Variants in EARS2 observed in about 807,000 individuals in gnomAD.
EARS2 encodes glutamyl-tRNA synthetase 2, mitochondrial, also known as nondiscriminating glutamyl-tRNA synthetase EARS2, mitochondrial.
In EARS2, 50 loss-of-function variants were observed where a neutral mutation model predicts 54.1. The observed-to-expected ratio is 0.92, with a 90% CI of 0.74 to 1.17. EARS2 has a LOEUF of 1.17. Among genes scored for constraint, EARS2 ranks in the 50% most tolerant of loss-of-function variants. The probability of loss-of-function intolerance (pLI) is 0.00; values close to 1 mark genes in which losing one functional copy is unlikely to be tolerated. For missense variants in EARS2, 673 were observed against 675.0 expected, an observed-to-expected ratio of 1.00 and a Z score of 0.03; for synonymous variants, 298 against 281.0, an observed-to-expected ratio of 1.06 and a Z score of -0.61.
intron 2 of EARS2, among the ~76,000 whole-genome samples, chr16:23,546,863 G>C (rs1377489438): frequency 2.0e-5 from 3 of 152,238 alleles, no homozygotes; most frequent in Non-Finnish European, 4.4e-5. Context: ...AGCCATCTGT[G>C]ATTATCAGTG....
Position 23,557,331 on chromosome 16 carries a change from G to C in EARS2, c.13C>G (p.Leu5Val), listed in dbSNP as rs1027344128. The change falls in exon 1 of 9, where the codon CTG becomes GTG. Residue 5 changes from leucine (L) to valine (V), a missense_variant. Physicochemically the swap from Leu to Val is conservative, Grantham distance 32. Around this residue, in one of 3 missense-constraint regions of EARS2, gnomAD observed 316 missense variants for 275.2 expected, o/e 1.15. Coordinates refer to ENST00000449606, the MANE Select transcript of EARS2 (RefSeq NM_001083614.2). ...CTCTCGCGCTGCAGCAGTCTCCTCA[G>C]GAGCGCCGCCATGTGGGATGGAATA... The part of the protein sequence containing the change: MAAL[L>V]RRLLQRERPS... 1.9e-6 allele frequency: 3 copies of C among 1,548,564 alleles called. No individual in the cohort carries two copies. Among genetic ancestry groups the C allele is most frequent in the Non-Finnish European group, 2.6e-6 (3 of 1,153,968 alleles).
At chr16:23,535,449 CA>C in intron 3 of EARS2, 89 bp from the exon 4 acceptor site, 1 of 1,261,072 alleles carries the variant, frequency 7.9e-7, no homozygotes, top group South Asian at 1.4e-5. Context: ...TGACCTTAAG[CA>C]AGTCAGTTAC....
rs751626904 is a variant in EARS2 at position 23,535,180 on chromosome 16, G to T, written c.666C>A (p.Ser222Arg). ...SVEGDPVIMK[S>R]DGFPTYHLAC... The stretch of plus-strand genomic sequence containing the variant: ...CCAGGTGGTATGTGGGGAAGCCGTC[G>T]CTCTTCATGATGACTGGGTCTCCCT... Residue 222 changes from serine to arginine, a missense_variant, in exon 4 of 9, where the codon AGC becomes AGA. By Grantham distance (110) the Ser-to-Arg change is moderately radical. Coordinates refer to ENST00000449606, the MANE Select transcript of EARS2 (RefSeq NM_001083614.2). 6.2e-7 allele frequency: 1 copy of T among 1,613,574 alleles called. No homozygotes were observed. Among genetic ancestry groups the T allele is most frequent in the Admixed American group, 1.7e-5 (1 of 60,008 alleles).
intron 7 of EARS2, among the ~76,000 whole-genome samples, chr16:23,526,822 A>G (rs1965236664): frequency 1.3e-5 from 2 of 152,202 alleles, no homozygotes; most frequent in South Asian, 4.1e-4. Flanking sequence ...CTTTTGTTTC[A>G]GGAGAAATTC....
At chr16:23,525,018 G>GA in intron 8 of EARS2, 1 of 620,302 alleles carries the variant, frequency 1.6e-6, no homozygotes, top group Non-Finnish European at 2.8e-6. Context: ...TGGAGGCAGA[G>GA]ATTATGTATG....
chr16:23,551,994 G>A (rs537268709), intron 2 of EARS2, among the ~76,000 whole-genome samples, 155 bp downstream of exon 2: 2 of 152,210 alleles, frequency 1.3e-5, no homozygotes, highest in South Asian at 4.1e-4. Context: ...ATTTTTTCAG[G>A]TGTCATCTGC....
intron 5 of EARS2, among the ~76,000 whole-genome samples, chr16:23,532,168 T>C (rs1480589436): frequency 2.0e-5 from 3 of 152,152 alleles, no homozygotes; most frequent in South Asian, 4.1e-4. Context: ...TGGAACGATA[T>C]TTGGAGGTTT....
intron 3 of EARS2, among the ~76,000 whole-genome samples, chr16:23,543,040 G>A (rs545678886): frequency 1.3e-3 from 200 of 150,850 alleles, no homozygotes; most frequent in African/African-American, 4.6e-3. Context: ...CCTTGAACCC[G>A]GGAGGTGGAG....
intron 5 of EARS2, 91 bp downstream of exon 5, chr16:23,532,566 G>A (rs1246002913): frequency 6.1e-6 from 5 of 820,378 alleles, no homozygotes; most frequent in African/African-American, 1.7e-5. Flanking sequence ...CACAGAATTA[G>A]GTACCAGAGC....
At chr16:23,551,132 G>A (rs774258116) in intron 2 of EARS2, among the ~76,000 whole-genome samples, 1 of 152,210 alleles carries the variant, frequency 6.6e-6, no homozygotes, top group Non-Finnish European at 1.5e-5. Context: ...TTGCAACTCA[G>A]AGGATTGGAC....
At chr16:23,535,436 G>A in intron 3 of EARS2, 76 bp from the exon 4 acceptor site, 3 of 1,395,094 alleles carry the variant, frequency 2.2e-6, no homozygotes, top group Non-Finnish European at 2.9e-6. Flanking sequence ...TGTCATAGCT[G>A]TGTGACCTTA....
chr16:23,543,082 T>C (rs1003314251), intron 3 of EARS2, among the ~76,000 whole-genome samples: 2 of 136,828 alleles, frequency 1.5e-5, no homozygotes, highest in African/African-American at 5.6e-5. Flanking sequence ...ACCACTGCAC[T>C]CTAGCCTGGG....
chr16:23,546,440 A>C (rs1345887418), intron 2 of EARS2: 1 of 455,498 alleles, frequency 2.2e-6, no homozygotes, highest in Non-Finnish European at 4.4e-6. Flanking sequence ...CTCATCTGTC[A>C]AAGAAGGAAA....
At position 23,557,291 on chromosome 16, in the gene EARS2, G is replaced by A; in HGVS notation, c.53C>T (p.Ser18Phe). 3 of 1,514,980 alleles carry A rather than the reference G, an allele frequency of 2.0e-6. No homozygotes were observed. Among genetic ancestry groups the A allele is most frequent in the Non-Finnish European group, 2.6e-6 (3 of 1,143,418 alleles). The allele number at this position is 1,514,980 out of a possible 1,614,324, so 93.8% of individuals were successfully genotyped here. A position where few individuals can be genotyped will look rare whatever the true frequency, so the allele number is the denominator to read the frequency against. ...LLQRERPSAA[S>F]GRPVGRREAN... ...CTCGCGCCGTCCTACGGGGCGGCCA[G>A]AGGCCGCCGAAGGCCTCTCGCGCTG... The change falls in exon 1 of 9, where the codon TCT (serine) becomes TTT (phenylalanine). Residue 18 changes from serine (S) to phenylalanine (F), a missense_variant. Physicochemically the swap from Ser to Phe is radical, Grantham distance 155 (BLOSUM62 -2). Around this residue, in one of 3 missense-constraint regions of EARS2, gnomAD observed 316 missense variants for 275.2 expected, o/e 1.15. Coordinates refer to ENST00000449606, the MANE Select transcript of EARS2 (RefSeq NM_001083614.2).
rs764260329 is a variant in EARS2, at chr16:23,544,600, C to T, written c.399G>A (p.Lys133=). The T allele has an allele frequency of 8.7e-6, 14 of 1,613,772 alleles. No individual in the cohort carries two copies. The South Asian group carries it at 1.2e-4, about 14-fold the overall frequency. The part of the protein sequence containing the change: ...LYAQATEALL[K]TGAAYPCFCS... The stretch of plus-strand genomic sequence containing the variant: ...AGAAACAGGGGTAAGCAGCTCCGGT[C>T]TTCAGCAGCGCTTCTGTGGCCTGGG... The change falls in exon 3 of 9, where the codon AAG becomes AAA. Residue 133 remains lysine (K), a synonymous_variant. Transcript: ENST00000449606.
rs184549077 is a variant in EARS2 at position 23,553,827 on chromosome 16, C to T, written c.140-1523G>A. Reference sequence around the variant, plus strand: ...AGGAGAACTGCTTGAACCCAGGAGACAGAGGTTGCAGTGAGCCGAGATCGC... The same window carrying T: ...AGGAGAACTGCTTGAACCCAGGAGATAGAGGTTGCAGTGAGCCGAGATCGC... On this transcript the variant is annotated intron_variant, in intron 1 of 8. Coordinates refer to ENST00000449606, the MANE Select transcript of EARS2 (RefSeq NM_001083614.2). Among the ~76,000 whole-genome samples, 81 of 150,012 alleles carry T rather than the reference C, an allele frequency of 5.4e-4. 1 individual carries two copies. Among genetic ancestry groups the T allele is most frequent in the African/African-American group, 1.9e-3 (79 of 40,564 alleles).
rs1392533610 is a variant in EARS2, at chr16:23,522,443, CTAGT to C, written c.*1924_*1927del. On this transcript the variant is annotated 3_prime_UTR_variant, in exon 9 of 9. Coordinates refer to ENST00000449606, the MANE Select transcript of EARS2 (RefSeq NM_001083614.2). ...CAAGATTGGCCATTAGCTCCTGTAG[CTAGT>C]TCCTGTCTTTTCCAAAACCTGTTTT... 1 of 152,320 alleles carries C rather than the reference CTAGT, an allele frequency of 6.6e-6. No individual in the cohort carries two copies. The highest frequency in any genetic ancestry group is 6.5e-5 in the Admixed American group (1 of 15,284). The allele number at this position is 152,320 out of a possible 1,614,324, so 9.4% of individuals were successfully genotyped here. A position where few individuals can be genotyped will look rare whatever the true frequency, so the allele number is the denominator to read the frequency against.
intron 3 of EARS2, among the ~76,000 whole-genome samples, chr16:23,543,161 A>G (rs1385048102): frequency 7.0e-6 from 1 of 143,760 alleles, no homozygotes; most frequent in Non-Finnish European, 1.5e-5. Flanking sequence ...GCTCACATCT[A>G]TAATCCCAGC....
intron 7 of EARS2, among the ~76,000 whole-genome samples, chr16:23,527,020 T>A (rs988480087): frequency 6.6e-6 from 1 of 152,180 alleles, no homozygotes; most frequent in Non-Finnish European, 1.5e-5. Context: ...TGGAATGCAG[T>A]GGTGCAATCA....
Sources: gnomAD v4.1 joint callset for allele counts (sites outside exome capture counted in the v4.1 genomes callset) on GRCh38, gnomAD v4.1.1 for gene constraint, gnomAD v4.1.1 regional missense constraint, MANE v1.5 for transcripts, NCBI Gene and HGNC (gene_info 2026-07-23, HGNC 2026-07-21) for gene names.